The following VGLL4 variants were observed in gnomAD, a reference collection of about 807,000 sequenced individuals.
VGLL4 encodes vestigial like family member 4, also known as transcription cofactor vestigial-like protein 4.
Under a neutral mutation model 21.0 loss-of-function variants are expected in VGLL4, and 7 were observed. The ratio of observed to expected loss-of-function variants is 0.33; its 90% confidence interval spans 0.19 to 0.63. The LOEUF (loss-of-function observed/expected upper bound fraction) is 0.63. VGLL4 is among the 20% of genes least tolerant of loss of function. VGLL4 has a pLI of 0.78. For missense variants in VGLL4, 394 were observed against 425.7 expected, an observed-to-expected ratio of 0.93 and a Z score of 0.66; for synonymous variants, 222 against 173.2, an observed-to-expected ratio of 1.28 and a Z score of -2.21.
intron 2 of VGLL4, among the ~76,000 whole-genome samples, chr3:11,592,353 T>C (rs2074519961): frequency 6.6e-6 from 1 of 152,188 alleles, no homozygotes; most frequent in Non-Finnish European, 1.5e-5. Context: ...TCCTGTGGGA[T>C]TCTCACCTGT....
chr3:11,625,729 T>G (rs796620029), intron 1 of VGLL4, among the ~76,000 whole-genome samples: 2 of 148,744 alleles, frequency 1.3e-5, no homozygotes, highest in East Asian at 3.9e-4. Flanking sequence ...TTTTTTTTTT[T>G]GTAAATAAAA....
At chr3:11,697,474 A>G (rs901677590) in intron 2 of VGLL4, among the ~76,000 whole-genome samples, 11 of 152,140 alleles carry the variant, frequency 7.2e-5, no homozygotes, top group Non-Finnish European at 1.5e-4. Flanking sequence ...ATGCTGAGAG[A>G]AAAGGAGAGA....
chr3:11,711,339 ACCATCCCGGCTAACATGGTGAAACC>A (rs1177053115), intron 1 of VGLL4, among the ~76,000 whole-genome samples: 25 of 152,162 alleles, frequency 1.6e-4, no homozygotes, highest in East Asian at 1.2e-3. Context: ...GGAGATCGAG[ACCATCCCGGCTAACATGGTGAAACC>A]CCATCCCGGC....
rs548481266 is a variant in VGLL4 at position 11,609,827 on chromosome 3, C to T, written c.83-7805G>A. Among the ~76,000 whole-genome samples the T allele has an allele frequency of 6.6e-5, 10 of 152,288 alleles. No homozygotes were observed. In the South Asian group the frequency reaches 1.9e-3, roughly 28 times the overall value. On this transcript the variant is annotated intron_variant, in intron 1 of 4. Transcript: ENST00000430365. Reference sequence around the variant, plus strand: ...CATTTTCTGGAGATTAGACCAACAGCACAGGGTGAAATGAGAATGTCTTTA... The same window carrying T: ...CATTTTCTGGAGATTAGACCAACAGTACAGGGTGAAATGAGAATGTCTTTA...
intron 2 of VGLL4, among the ~76,000 whole-genome samples, chr3:11,581,952 C>T (rs1302108587): frequency 6.6e-6 from 1 of 152,222 alleles, no homozygotes; most frequent in East Asian, 1.9e-4. Flanking sequence ...TACTTCCAAT[C>T]CATGAAGGAA....
intron 2 of VGLL4, among the ~76,000 whole-genome samples, chr3:11,657,385 G>A (rs1206806412): frequency 6.6e-6 from 1 of 152,006 alleles, no homozygotes; most frequent in Admixed American, 6.6e-5. Context: ...TTACAAATGT[G>A]GCAAGCAAAT....
At chr3:11,692,644 G>T (rs554174697) in intron 2 of VGLL4, among the ~76,000 whole-genome samples, 1 of 150,668 alleles carries the variant, frequency 6.6e-6, no homozygotes, top group East Asian at 2.0e-4. Context: ...ACTCACCTGG[G>T]AACTACTGTT....
chr3:11,573,341 A>G lies in VGLL4; in HGVS notation c.273-8322T>C, dbSNP rs1461505003. 6.9e-3 allele frequency among the ~76,000 whole-genome samples: 657 copies of G among 95,470 alleles called. 15 individuals carry two copies. Among genetic ancestry groups the G allele is most frequent in the Admixed American group, 0.011 (100 of 9,478 alleles). 62.6% of individuals were successfully genotyped at this position (95,470 alleles called of 152,430 possible). A position where few individuals can be genotyped will look rare whatever the true frequency, so the allele number is the denominator to read the frequency against. On this transcript the variant is annotated intron_variant, in intron 2 of 4. Transcript: ENST00000430365. ...GAAGAAAGAAAGAAAGAAAGAAAGA[A>G]AGAAAGAAAGAAAGAAAGAAAGAAA...
At chr3:11,686,802 T>C (rs2076455611) in intron 2 of VGLL4, among the ~76,000 whole-genome samples, 2 of 152,214 alleles carry the variant, frequency 1.3e-5, no homozygotes, top group South Asian at 4.1e-4. Flanking sequence ...GTTTATTCTA[T>C]CTCGGCATTT....
At chr3:11,633,355 A>G (rs1369268911) in intron 1 of VGLL4, 1 of 152,214 alleles carries the variant, frequency 6.6e-6, no homozygotes, top group Non-Finnish European at 1.5e-5. Context: ...ATGAAAATAC[A>G]AACACCTAAT....
In VGLL4 at chr3:11,613,378, GA is replaced by G. The variant is rs144281262; in HGVS notation, c.83-11357del. 1.8e-3 allele frequency among the ~76,000 whole-genome samples: 276 copies of G among 152,154 alleles called. 5 individuals carry two copies. In the East Asian group the frequency reaches 0.044, roughly 24 times the overall value. On this transcript the variant is annotated intron_variant, in intron 1 of 4. Coordinates refer to ENST00000430365, the MANE Select transcript of VGLL4 (RefSeq NM_001128219.3). ...AATCAGGCACTGATCACTAGAGGGG[GA>G]AAAAAGAGACACAGTCTTGCAAGTG...
At position 11,567,041 on chromosome 3, in the gene VGLL4, G is replaced by A. The variant is rs150064015; in HGVS notation, c.273-2022C>T. ...TTTAGATGGACCCTGCGGCCCAGTC[G>A]GTGAGCTGCTAAGGGCTGAGCAGGA... On this transcript the variant is annotated intron_variant, in intron 2 of 4. Coordinates refer to ENST00000430365, the MANE Select transcript of VGLL4 (RefSeq NM_001128219.3). 2.0e-3 allele frequency among the ~76,000 whole-genome samples: 312 copies of A among 152,258 alleles called. 1 individual carries two copies. The highest frequency in any genetic ancestry group is 3.4e-3 in the Middle Eastern group (1 of 294).
At chr3:11,678,503 C>T (rs759475494) in intron 2 of VGLL4, among the ~76,000 whole-genome samples, 2 of 152,236 alleles carry the variant, frequency 1.3e-5, no homozygotes, top group Admixed American at 6.5e-5. Flanking sequence ...GTGGCAGCAA[C>T]ATTCCTTTCC....
At position 11,688,046 on chromosome 3, in the gene VGLL4, T is replaced by C. The variant is rs572882918; in HGVS notation, c.64+14925A>G. 7.2e-5 allele frequency among the ~76,000 whole-genome samples: 11 copies of C among 152,310 alleles called. 1 individual carries two copies. In the South Asian group the frequency reaches 1.4e-3, roughly 20 times the overall value. On this transcript the variant is annotated intron_variant, in intron 2 of 5. Coordinates refer to the VGLL4 transcript ENST00000273038. ...CTTTTTTAGACTTCTGTCATAAATATATTAATTTTTCCTTTAATCTGTTAA... is the reference window on the plus strand; with the variant it reads ...CTTTTTTAGACTTCTGTCATAAATACATTAATTTTTCCTTTAATCTGTTAA...
At chr3:11,593,759 T>C (rs1217915583) in intron 2 of VGLL4, among the ~76,000 whole-genome samples, 1 of 152,068 alleles carries the variant, frequency 6.6e-6, no homozygotes, top group African/African-American at 2.4e-5. Flanking sequence ...AAAGGAAGCG[T>C]CATAGAAGCA....
chr3:11,566,353 G>A (rs2073517269), intron 2 of VGLL4, among the ~76,000 whole-genome samples: 1 of 152,206 alleles, frequency 6.6e-6, no homozygotes, highest in Non-Finnish European at 1.5e-5. Flanking sequence ...GTGACATCTT[G>A]TAAAACTACA....
intron 2 of VGLL4, among the ~76,000 whole-genome samples, chr3:11,679,023 C>T (rs948614625): frequency 3.3e-5 from 5 of 152,168 alleles, no homozygotes; most frequent in East Asian, 1.9e-4. Flanking sequence ...TTGGCAGATA[C>T]AATTACGTGC....
intron 1 of VGLL4, among the ~76,000 whole-genome samples, chr3:11,706,645 G>T (rs1055554708): frequency 6.6e-6 from 1 of 152,126 alleles, no homozygotes; most frequent in Non-Finnish European, 1.5e-5. Flanking sequence ...TCCTTCCCCG[G>T]TTGCCCTGCC....
intron 2 of VGLL4, among the ~76,000 whole-genome samples, chr3:11,594,390 G>C (rs939344664): frequency 5.9e-5 from 9 of 152,218 alleles, no homozygotes; most frequent in African/African-American, 2.2e-4. Context: ...CTAGTGTAAA[G>C]GGTCACAATT....
Sources: allele counts gnomAD v4.1 joint callset (sites outside exome capture counted in the v4.1 genomes callset), GRCh38; gene constraint gnomAD v4.1.1; transcripts MANE v1.5; gene names NCBI Gene and HGNC (gene_info 2026-07-23, HGNC 2026-07-21).